Variants in WLS observed in about 807,000 individuals in gnomAD.
WLS encodes Wnt ligand secretion mediator.
Under a neutral mutation model 62.8 loss-of-function variants are expected in WLS, and 23 were observed. The observed-to-expected ratio is 0.37, with a 90% CI of 0.26 to 0.52. The LOEUF (loss-of-function observed/expected upper bound fraction) is 0.52, where lower values mean the gene tolerates loss of function less well. Among genes scored for constraint, WLS ranks in the 20% least tolerant of loss-of-function variants. The probability of loss-of-function intolerance (pLI) is 0.92; values close to 1 mark genes in which losing one functional copy is unlikely to be tolerated. For missense variants in WLS, 615 were observed against 697.3 expected (o/e 0.88, Z 1.33); for synonymous variants, 246 against 244.1 (o/e 1.01, Z -0.07).
chr1:68,138,092 G>T, intron 10 of WLS, 159 bp from the exon 11 acceptor site: 3 of 866,394 alleles, frequency 3.5e-6, no homozygotes, highest in Non-Finnish European at 5.2e-6. Context: ...GAATCATTTC[G>T]GTGTAAATTA....
At chr1:68,210,857 GA>G (rs1649487453) in intron 1 of WLS, among the ~76,000 whole-genome samples, 1 of 152,060 alleles carries the variant, frequency 6.6e-6, no homozygotes, top group Non-Finnish European at 1.5e-5. Context: ...CCTCTGTTCT[GA>G]ATAGATGATC....
intron 1 of WLS, among the ~76,000 whole-genome samples, chr1:68,230,007 AC>A (rs1350237863): frequency 6.6e-6 from 1 of 152,090 alleles, no homozygotes; most frequent in Admixed American, 6.5e-5. Context: ...GGCACCACTT[AC>A]TCCAGACAAA....
chr1:68,195,637 T>C (rs982631647), intron 1 of WLS, among the ~76,000 whole-genome samples: 1 of 152,148 alleles, frequency 6.6e-6, no homozygotes, highest in African/African-American at 2.4e-5. Context: ...TCCTAAACTT[T>C]CCATCTGCTA....
At chr1:68,227,776 C>G (rs1309860498) in intron 1 of WLS, among the ~76,000 whole-genome samples, 1 of 152,138 alleles carries the variant, frequency 6.6e-6, no homozygotes, top group Non-Finnish European at 1.5e-5. Flanking sequence ...TCAAGATTCT[C>G]ACCAGACACC....
Position 68,167,603 on chromosome 1 carries a change from A to T in WLS, c.380-8356T>A, listed in dbSNP as rs76154434. On this transcript the variant is annotated intron_variant, in intron 2 of 11. Transcript: ENST00000262348. ...TCCCTATAAAACAAGGACACTGGTT[A>T]TATCAGTTTCATGGGGGTACAGTTG... is the stretch of plus-strand genomic sequence containing the variant. Among the ~76,000 whole-genome samples the T allele has an allele frequency of 9.2e-3, 1,406 of 152,246 alleles. 9 individuals are homozygous for T. The highest frequency in any genetic ancestry group is 0.027 in the Middle Eastern group (8 of 294).
intron 4 of WLS, 43 bp downstream of exon 4, chr1:68,155,056 T>A: frequency 6.4e-7 from 1 of 1,573,432 alleles, no homozygotes; most frequent in Non-Finnish European, 8.7e-7. Flanking sequence ...TGAGATGGAG[T>A]TCCCCTCCAA....
At chr1:68,157,785 T>TGCAG (rs1443891353) in intron 3 of WLS, among the ~76,000 whole-genome samples, 2 of 152,142 alleles carry the variant, frequency 1.3e-5, no homozygotes, top group Non-Finnish European at 2.9e-5. Flanking sequence ...AAGAAGCAGT[T>TGCAG]GCAGGCAAAC....
Position 68,200,967 on chromosome 1 carries a change from T to C in WLS, c.107-6740A>G, listed in dbSNP as rs1318008570. The stretch of plus-strand genomic sequence containing the variant: ...AACACAGGTGTCAGAAAAGACTAGA[T>C]GAATTCCTGTTATGTAACTACTTTT... On this transcript the variant is annotated intron_variant, in intron 1 of 11. Coordinates refer to ENST00000262348, the MANE Select transcript of WLS (RefSeq NM_024911.7). Among the ~76,000 whole-genome samples, 9 of 152,168 alleles carry C rather than the reference T, an allele frequency of 5.9e-5. 1 individual carries two copies. The highest frequency in any genetic ancestry group is 5.9e-4 in the Admixed American group (9 of 15,266).
At chr1:68,105,792 G>A (rs1570794010) in intron 11 of WLS, among the ~76,000 whole-genome samples, 2 of 152,172 alleles carry the variant, frequency 1.3e-5, no homozygotes, top group South Asian at 4.1e-4. Context: ...ACAGGACTGG[G>A]TTCTGGGGCT....
chr1:68,182,728 T>C (rs2100572051), intron 2 of WLS, among the ~76,000 whole-genome samples: 1 of 152,304 alleles, frequency 6.6e-6, no homozygotes, highest in Admixed American at 6.5e-5. Context: ...TTGATGTATT[T>C]TGAGCTTTTC....
chr1:68,176,323 T>A (rs1440585486), intron 2 of WLS: 1 of 152,174 alleles, frequency 6.6e-6, no homozygotes, highest in African/African-American at 2.4e-5. Flanking sequence ...TTTACCTGCC[T>A]CCGAAGCCAG....
At chr1:68,230,592 T>C (rs992332378) in intron 1 of WLS, among the ~76,000 whole-genome samples, 55 of 149,964 alleles carry the variant, frequency 3.7e-4, no homozygotes, top group South Asian at 6.3e-4. Context: ...TGCGCGCGTG[T>C]GTGTGTGTGT....
chr1:68,183,313 T>A (rs1478032882), intron 2 of WLS, among the ~76,000 whole-genome samples: 4 of 152,184 alleles, frequency 2.6e-5, no homozygotes, highest in African/African-American at 9.6e-5. Flanking sequence ...AGTAGAGTTA[T>A]ACATTTCTTC....
chr1:68,152,269 C>CTATTAGGT (rs999759701), intron 5 of WLS, among the ~76,000 whole-genome samples: 2 of 152,120 alleles, frequency 1.3e-5, no homozygotes, highest in Non-Finnish European at 2.9e-5. Flanking sequence ...GAGGCTGAGG[C>CTATTAGGT]TAAAGATACA....
chr1:68,149,480 C>G (rs1646796797), intron 6 of WLS, among the ~76,000 whole-genome samples: 1 of 152,170 alleles, frequency 6.6e-6, no homozygotes, highest in Non-Finnish European at 1.5e-5. Flanking sequence ...CTTGAGAGGT[C>G]TGGTTTTCAT....
chr1:68,111,648 C>G (rs965242415), intron 11 of WLS, among the ~76,000 whole-genome samples: 8 of 152,164 alleles, frequency 5.3e-5, no homozygotes, highest in African/African-American at 1.9e-4. Context: ...TTTGAACGAG[C>G]CCTTTACATC....
intron 8 of WLS, among the ~76,000 whole-genome samples, chr1:68,147,846 A>G (rs1020259003): frequency 1.3e-5 from 2 of 152,222 alleles, no homozygotes; most frequent in South Asian, 4.1e-4. Flanking sequence ...AGTCTGCAGG[A>G]AACAGTGTAT....
chr1:68,168,693 C>A (rs570355786), intron 2 of WLS, among the ~76,000 whole-genome samples: 1 of 152,266 alleles, frequency 6.6e-6, no homozygotes, highest in African/African-American at 2.4e-5. Context: ...TGTGCATTCC[C>A]ACATTACATA....
chr1:68,182,039 A>G (rs929703547), intron 2 of WLS, among the ~76,000 whole-genome samples: 1 of 152,242 alleles, frequency 6.6e-6, no homozygotes. Context: ...ACCATAGAAG[A>G]GTGTTTTGTT....
Sources: gnomAD v4.1 joint callset for allele counts (sites outside exome capture counted in the v4.1 genomes callset) on GRCh38, gnomAD v4.1.1 for gene constraint, MANE v1.5 for transcripts, NCBI Gene and HGNC (gene_info 2026-07-23, HGNC 2026-07-21) for gene names.